Variants in FHAD1 observed in about 807,000 individuals in gnomAD.
FHAD1 encodes the protein forkhead associated phosphopeptide binding domain 1, also known as forkhead-associated domain-containing protein 1.
A neutral mutation model predicts 191.3 loss-of-function variants in FHAD1; 146 were observed. That is an observed-to-expected ratio of 0.76 (90% CI 0.67 to 0.88). FHAD1 has a LOEUF of 0.88. FHAD1 is among the 40% of genes least tolerant of loss of function. FHAD1 has a pLI of 0.00. For missense variants in FHAD1, 1,635 were observed against 1,785.8 expected (o/e 0.92, Z 1.52); for synonymous variants, 616 against 672.3 (o/e 0.92, Z 1.29).
chr1:15,335,732 T>TGTAAACA (rs1172438707), intron 14 of FHAD1, among the ~76,000 whole-genome samples: 2 of 152,322 alleles, frequency 1.3e-5, no homozygotes, highest in East Asian at 3.9e-4. Context: ...TTATAACTTT[T>TGTAAACA]GTAAACAGAA....
At chr1:15,304,677 G>A (rs964421161) in intron 6 of FHAD1, among the ~76,000 whole-genome samples, 10 of 152,090 alleles carry the variant, frequency 6.6e-5, no homozygotes, top group East Asian at 1.9e-4. Flanking sequence ...CCAAGTTTCC[G>A]AAGTGGAGAC....
At chr1:15,279,489 G>A (rs549849734) in intron 3 of FHAD1, among the ~76,000 whole-genome samples, 66 of 150,096 alleles carry the variant, frequency 4.4e-4, no homozygotes, top group Non-Finnish European at 7.5e-4. Flanking sequence ...TCTCTGTACC[G>A]GGAGTTTCTT....
chr1:15,242,031 G>A (rs951793671), intron 1 of FHAD1, among the ~76,000 whole-genome samples: 6 of 152,050 alleles, frequency 3.9e-5, no homozygotes, highest in African/African-American at 7.2e-5. Flanking sequence ...TCAGGAGATC[G>A]AGACCAGCCT....
chr1:15,281,788 GA>G (rs1032697168), intron 3 of FHAD1, among the ~76,000 whole-genome samples: 1 of 147,464 alleles, frequency 6.8e-6, no homozygotes, highest in African/African-American at 2.5e-5. Context: ...AAAAAAAGGA[GA>G]GGGGAGGAAG....
intron 28 of FHAD1, 127 bp downstream of exon 28, chr1:15,375,857 T>C (rs1162160295): frequency 3.7e-6 from 4 of 1,092,180 alleles, no homozygotes. Context: ...CTGTCTATAC[T>C]CACTAGCTGG....
intron 12 of FHAD1, 83 bp from the exon 13 acceptor site, chr1:15,328,194 T>G: frequency 8.6e-7 from 1 of 1,158,252 alleles, no homozygotes; most frequent in Non-Finnish European, 1.2e-6. Flanking sequence ...ATCTCTCCCC[T>G]CTCCCATTCC....
chr1:15,310,183 C>G (rs1039007545), intron 7 of FHAD1, among the ~76,000 whole-genome samples: 3 of 152,156 alleles, frequency 2.0e-5, no homozygotes, highest in Non-Finnish European at 4.4e-5. Flanking sequence ...TCCTAAAGTC[C>G]CCCCTGCACA....
intron 26 of FHAD1, among the ~76,000 whole-genome samples, chr1:15,369,941 AACAC>A (rs1697607470): frequency 6.6e-6 from 1 of 152,180 alleles, no homozygotes; most frequent in African/African-American, 2.4e-5. Flanking sequence ...CACCTGAACA[AACAC>A]ACACAAACCC....
In FHAD1 at chr1:15,352,865, A is replaced by T. The variant is rs376168825; in HGVS notation, c.2455-12A>T. 6.5e-7 allele frequency: 1 copy of T among 1,548,582 alleles called. No individual in the cohort carries two copies. The highest frequency in any genetic ancestry group is 8.7e-7 in the Non-Finnish European group (1 of 1,144,534). On this transcript the variant is annotated splice_polypyrimidine_tract_variant and intron_variant, in intron 19 of 33. Transcript: ENST00000688493. ...GGGCACAGGCCCTCAAACCACTTTC[A>T]TTGACTTCCAGATCTCAGAGAGCAA...
At chr1:15,373,684 C>T (rs968052410) in intron 26 of FHAD1, among the ~76,000 whole-genome samples, 3 of 152,120 alleles carry the variant, frequency 2.0e-5, no homozygotes, top group African/African-American at 7.2e-5. Context: ...GACATCCTGT[C>T]TCTACAAAAA....
chr1:15,381,548 G>A lies in FHAD1; in HGVS notation c.4022+97G>A. ...GCAGACCTCTAGGCCTGGGACAGGA[G>A]GACAGAGACCCACGTGTGGAATACC... On this transcript the variant is annotated intron_variant, in intron 30 of 33. Transcript: ENST00000688493. This position sits in a 1 kb window ranked among gnomAD's most constrained non-coding sequence, Gnocchi z 4.6. 1 of 923,422 alleles carries A rather than the reference G, an allele frequency of 1.1e-6. No homozygotes were observed. 57.2% of individuals were successfully genotyped at this position (923,422 alleles called of 1,614,324 possible). A position where few individuals can be genotyped will look rare whatever the true frequency, so the allele number is the denominator to read the frequency against.
At chr1:15,245,051 T>G (rs371084593), upstream of FHAD1, among the ~76,000 whole-genome samples, 2 of 151,544 alleles carry the variant, frequency 1.3e-5, no homozygotes, top group African/African-American at 4.9e-5. Flanking sequence ...GAGGGGGAGG[T>G]GCCAGGCTCT....
intron 1 of FHAD1, among the ~76,000 whole-genome samples, chr1:15,241,687 C>A (rs7530874): frequency 1.5e-5 from 2 of 137,284 alleles, no homozygotes; most frequent in Admixed American, 7.3e-5. Context: ...ACAAAAAAAA[C>A]CCAGAACGAA....
At chr1:15,293,057 A>G (rs910200827) in intron 4 of FHAD1, among the ~76,000 whole-genome samples, 4 of 152,236 alleles carry the variant, frequency 2.6e-5, no homozygotes, top group Non-Finnish European at 5.9e-5. Context: ...GGAGATGACT[A>G]TATAGGGGCA....
intron 3 of FHAD1, among the ~76,000 whole-genome samples, chr1:15,285,967 T>G (rs1662264271): frequency 6.6e-6 from 1 of 152,220 alleles, no homozygotes. Flanking sequence ...AAATGTTGTA[T>G]GAATCCACTT....
At chr1:15,348,834 C>G (rs1689828209) in intron 18 of FHAD1, among the ~76,000 whole-genome samples, 1 of 152,110 alleles carries the variant, frequency 6.6e-6, no homozygotes, top group Non-Finnish European at 1.5e-5. Context: ...CCTCGGTTTC[C>G]TCATCTGTAA....
At position 15,311,648 on chromosome 1, in the gene FHAD1, C is replaced by T. The variant is rs1303092503; in HGVS notation, c.1040-1409C>T. On this transcript the variant is annotated intron_variant, in intron 7 of 33. Transcript: ENST00000688493. The surrounding 1 kb of genome is among the most constrained non-coding windows in gnomAD (Gnocchi z 4.1). ...CTTGATTGTGCAATAAAGATTGATT[C>T]TTGATTGATACCCACCAATAAAACT... Among the ~76,000 whole-genome samples, 1 of 152,140 alleles carries T rather than the reference C, an allele frequency of 6.6e-6. No individual in the cohort carries two copies. Among genetic ancestry groups the T allele is most frequent in the African/African-American group, 2.4e-5 (1 of 41,412 alleles).
At chr1:15,390,023 G>A (rs1449566724) in intron 32 of FHAD1, among the ~76,000 whole-genome samples, 1 of 152,154 alleles carries the variant, frequency 6.6e-6, no homozygotes, top group Non-Finnish European at 1.5e-5. Context: ...AGCAGCCCAC[G>A]GCTATGCCTC....
intron 28 of FHAD1, among the ~76,000 whole-genome samples, chr1:15,378,282 CA>C (rs1171852699): frequency 2.5e-4 from 36 of 145,796 alleles, no homozygotes; most frequent in Non-Finnish European, 2.1e-4. Flanking sequence ...GAAACTCCGT[CA>C]AAAAAAAAAG....
Sources: allele counts gnomAD v4.1 joint callset (sites outside exome capture counted in the v4.1 genomes callset), GRCh38; gene constraint gnomAD v4.1.1; non-coding constraint Gnocchi (gnomAD v3.1); transcripts MANE v1.5; gene names NCBI Gene and HGNC (gene_info 2026-07-23, HGNC 2026-07-21).